Variants in HERC2 observed in about 807,000 individuals in gnomAD.
HERC2 encodes the protein HECT and RLD domain containing E3 ubiquitin protein ligase 2.
In HERC2, 102 loss-of-function variants were observed where a neutral mutation model predicts 537.7. That is an observed-to-expected ratio of 0.19 (90% CI 0.16 to 0.22). The LOEUF (loss-of-function observed/expected upper bound fraction) is 0.22. Among genes scored for constraint, HERC2 ranks in the 10% least tolerant of loss-of-function variants. HERC2 has a pLI of 1.00. For synonymous variants in HERC2, 2,224 were observed against 2,466.2 expected, an observed-to-expected ratio of 0.90 and a Z score of 2.91; for missense variants, 4,236 against 6,198.2, an observed-to-expected ratio of 0.68 and a Z score of 10.63.
At chr15:28,262,767 C>A in intron 15 of HERC2, 151 bp downstream of exon 15, 1 of 800,360 alleles carries the variant, frequency 1.2e-6, no homozygotes, top group Non-Finnish European at 2.0e-6. Flanking sequence ...GTAAAAGTTT[C>A]TAATGACAGT....
intron 12 of HERC2, among the ~76,000 whole-genome samples, chr15:28,267,470 C>G (rs946774376): frequency 1.3e-5 from 2 of 152,198 alleles, no homozygotes; most frequent in Non-Finnish European, 2.9e-5. Context: ...TCCTGTACCT[C>G]GATGCCTTTC....
intron 69 of HERC2, among the ~76,000 whole-genome samples, chr15:28,159,005 T>C (rs1041903734): frequency 2.0e-5 from 3 of 152,182 alleles, no homozygotes; most frequent in Admixed American, 6.5e-5. Context: ...AAGCTTAGTT[T>C]GGCTGGATAT....
chr15:28,249,214 G>A (rs757487314), intron 20 of HERC2, among the ~76,000 whole-genome samples: 1 of 152,126 alleles, frequency 6.6e-6, no homozygotes, highest in Non-Finnish European at 1.5e-5. Flanking sequence ...GACAAGACTC[G>A]CCTGCATTGC....
chr15:28,152,966 T>C lies in HERC2; in HGVS notation c.10747-136A>G, dbSNP rs368064138. The C allele has an allele frequency of 1.1e-3, 928 of 846,088 alleles. 7 individuals are homozygous for C. In the African/African-American group the frequency reaches 0.014, roughly 13 times the overall value. 52.4% of individuals were successfully genotyped at this position (846,088 alleles called of 1,614,324 possible). On this transcript the variant is annotated intron_variant, in intron 69 of 92. Coordinates refer to ENST00000261609, the MANE Select transcript of HERC2 (RefSeq NM_004667.6). Reference sequence around the variant, plus strand: ...AGTGGAGGGCTTGGAGTTTGAGAAATTGAGTTCAAATCAGGGCTTGGCTTC... The same window carrying C: ...AGTGGAGGGCTTGGAGTTTGAGAAACTGAGTTCAAATCAGGGCTTGGCTTC...
At position 28,115,120 on chromosome 15, in the gene HERC2, C is replaced by T. The variant is rs541819024; in HGVS notation, c.13722+309G>A. Reference sequence around the variant, plus strand: ...CCATGGGGAATGAGCTGGCTGTGGTCGCCCCAGGACAGAGCCTCCCGTGCA... The same window carrying T: ...CCATGGGGAATGAGCTGGCTGTGGTTGCCCCAGGACAGAGCCTCCCGTGCA... On this transcript the variant is annotated intron_variant, in intron 89 of 92. Coordinates refer to ENST00000261609, the MANE Select transcript of HERC2 (RefSeq NM_004667.6). 3.1e-4 allele frequency among the ~76,000 whole-genome samples: 47 copies of T among 152,134 alleles called. 1 individual carries two copies. Among genetic ancestry groups the T allele is most frequent in the Admixed American group, 1.3e-3 (20 of 15,284 alleles).
At chr15:28,123,505 G>T (rs1274112453) in intron 85 of HERC2, among the ~76,000 whole-genome samples, 1 of 152,200 alleles carries the variant, frequency 6.6e-6, no homozygotes, top group African/African-American at 2.4e-5. Context: ...CCTGCCTGGT[G>T]ACTTTCAGAT....
chr15:28,124,951 T>C, intron 84 of HERC2, 55 bp downstream of exon 84: 3 of 1,509,960 alleles, frequency 2.0e-6, no homozygotes, highest in Non-Finnish European at 2.7e-6. Context: ...GGATGCAGCA[T>C]GTGACAGGAG....
At chr15:28,206,976 A>C (rs1181036675) in intron 44 of HERC2, among the ~76,000 whole-genome samples, 1 of 149,610 alleles carries the variant, frequency 6.7e-6, no homozygotes, top group Non-Finnish European at 1.5e-5. Context: ...ACACCACCAT[A>C]CTCCAGCCTG....
At chr15:28,314,747 G>C (rs2077036582) in intron 2 of HERC2, among the ~76,000 whole-genome samples, 1 of 151,784 alleles carries the variant, frequency 6.6e-6, no homozygotes, top group Admixed American at 6.6e-5. Flanking sequence ...TGTAATCCCA[G>C]CTACTCCGGA....
At position 28,229,426 on chromosome 15, in the gene HERC2, C is replaced by T. The variant is rs377382723; in HGVS notation, c.5120+34G>A. On this transcript the variant is annotated intron_variant, in intron 33 of 92. Transcript: ENST00000261609. ...GAACAACATTTTGTTGCCATAGCTA[C>T]CTTAATTAAGAAAAAAATATGCTAA... 1.1e-5 allele frequency: 18 copies of T among 1,613,438 alleles called. No individual in the cohort carries two copies. The Admixed American group carries it at 3.0e-4, about 27-fold the overall frequency.
intron 23 of HERC2, among the ~76,000 whole-genome samples, chr15:28,245,566 T>TATAC (rs1162184598): frequency 1.3e-4 from 15 of 119,224 alleles, no homozygotes; most frequent in East Asian, 6.5e-4. Flanking sequence ...AAAAAATATA[T>TATAC]ACACACACAC....
chr15:28,228,556 G>A (rs1210444309), intron 34 of HERC2, 147 bp from the exon 35 acceptor site: 19 of 783,708 alleles, frequency 2.4e-5, no homozygotes, highest in African/African-American at 2.1e-4. Flanking sequence ...TAAACGTAAC[G>A]CAGAAAGCAC....
chr15:28,304,653 T>G (rs578213214), intron 2 of HERC2, among the ~76,000 whole-genome samples: 2 of 151,464 alleles, frequency 1.3e-5, no homozygotes, highest in East Asian at 3.9e-4. Flanking sequence ...TGTGAGCCAC[T>G]GCACCCGGCC....
intron 65 of HERC2, among the ~76,000 whole-genome samples, chr15:28,172,237 T>A (rs566572086): frequency 2.0e-5 from 3 of 152,272 alleles, no homozygotes; most frequent in Non-Finnish European, 4.4e-5. Context: ...GCAATCCACA[T>A]CAAAATCCCA....
chr15:28,233,315 G>T lies in HERC2; in HGVS notation c.4506C>A (p.Tyr1502Ter). The change falls in exon 30 of 93, where the codon TAC becomes TAA. Residue 1502 changes from tyrosine (Y) to a stop codon, truncating the protein, a stop_gained. Transcript: ENST00000261609. LOFTEE classifies it high-confidence loss of function. ...CGATGACAGGAGCGCAGACCTCCTT[G>T]TAAGAACGGCCCTGTTCTTGATGAG... ...IKTHQEQGRS[Y>*]KEVCAPVIER... 6.6e-7 allele frequency: 1 copy of T among 1,509,312 alleles called. No homozygotes were observed. The highest frequency in any genetic ancestry group is 9.2e-7 in the Non-Finnish European group (1 of 1,089,034). The allele number at this position is 1,509,312 out of a possible 1,614,324, so 93.5% of individuals were successfully genotyped here. A position where few individuals can be genotyped will look rare whatever the true frequency, so the allele number is the denominator to read the frequency against.
chr15:28,295,311 G>A (rs868342611), intron 3 of HERC2, among the ~76,000 whole-genome samples: 19 of 109,052 alleles, frequency 1.7e-4, no homozygotes, highest in South Asian at 4.7e-4. Flanking sequence ...ATGTGTGTGG[G>A]GGGGGGGGAG....
intron 69 of HERC2, among the ~76,000 whole-genome samples, chr15:28,156,745 C>A (rs1457280377): frequency 3.3e-5 from 5 of 152,294 alleles, no homozygotes; most frequent in East Asian, 1.9e-4. Context: ...CCCTTTATTT[C>A]TTTCTCCTGC....
chr15:28,186,787 G>A, intron 55 of HERC2, 35 bp from the exon 56 acceptor site: 2 of 1,511,538 alleles, frequency 1.3e-6, no homozygotes, highest in Non-Finnish European at 1.8e-6. Context: ...AGACTCTGTA[G>A]AATCAAGCAT....
At chr15:28,160,926 C>T (rs895356949) in intron 69 of HERC2, among the ~76,000 whole-genome samples, 4 of 152,214 alleles carry the variant, frequency 2.6e-5, no homozygotes, top group Non-Finnish European at 5.9e-5. Context: ...ATACCCTTCC[C>T]TCTCACAAAT....
Sources: allele counts gnomAD v4.1 joint callset (sites outside exome capture counted in the v4.1 genomes callset), GRCh38; gene constraint gnomAD v4.1.1; transcripts MANE v1.5; gene names NCBI Gene and HGNC (gene_info 2026-07-23, HGNC 2026-07-21).